The following ADAMTS3 variants were observed in gnomAD, a reference collection of about 807,000 sequenced individuals.
ADAMTS3 encodes ADAM metallopeptidase with thrombospondin type 1 motif 3, also known as A disintegrin and metalloproteinase with thrombospondin motifs 3.
In ADAMTS3, 73 loss-of-function variants were observed where a neutral mutation model predicts 129.0. The ratio of observed to expected loss-of-function variants is 0.57; its 90% CI spans 0.47 to 0.69. ADAMTS3 has a LOEUF of 0.69. ADAMTS3 is among the 30% of genes least tolerant of loss of function. The probability of loss-of-function intolerance (pLI) is 0.00; values close to 1 mark genes in which losing one functional copy is unlikely to be tolerated. For missense variants in ADAMTS3, 1,457 were observed against 1,514.5 expected (o/e 0.96, Z 0.63); for synonymous variants, 477 against 510.8 (o/e 0.93, Z 0.89).
At chr4:72,304,173 A>G in intron 16 of ADAMTS3, 93 bp from the exon 17 acceptor site, 1 of 1,244,256 alleles carries the variant, frequency 8.0e-7, no homozygotes, top group Non-Finnish European at 1.1e-6. Flanking sequence ...CTACAAATCA[A>G]TGACCATGTT....
chr4:72,321,536 T>G (rs1719555436), intron 6 of ADAMTS3, among the ~76,000 whole-genome samples: 1 of 152,152 alleles, frequency 6.6e-6, no homozygotes, highest in Admixed American at 6.6e-5. Flanking sequence ...AAATAATTTC[T>G]GATTTGGCTT....
intron 4 of ADAMTS3, among the ~76,000 whole-genome samples, chr4:72,363,643 T>C (rs1199875440): frequency 3.9e-5 from 6 of 152,166 alleles, no homozygotes; most frequent in African/African-American, 9.7e-5. Context: ...CACAGATCTA[T>C]GCACAAGAAT....
chr4:72,421,759 G>C (rs965334110), intron 3 of ADAMTS3, among the ~76,000 whole-genome samples: 10 of 152,098 alleles, frequency 6.6e-5, no homozygotes, highest in Non-Finnish European at 1.5e-4. Flanking sequence ...AGCCATTAGA[G>C]GTAGATTCTT....
At chr4:72,330,333 A>G (rs1719813621) in intron 5 of ADAMTS3, among the ~76,000 whole-genome samples, 1 of 152,006 alleles carries the variant, frequency 6.6e-6, no homozygotes, top group African/African-American at 2.4e-5. Flanking sequence ...CCAAACTTTT[A>G]TGTATCTAAC....
At chr4:72,534,033 C>T (rs1050787470) in intron 3 of ADAMTS3, among the ~76,000 whole-genome samples, 2 of 152,134 alleles carry the variant, frequency 1.3e-5, no homozygotes, top group African/African-American at 4.8e-5. Context: ...TGTCATAGAA[C>T]ATCACAGTCC....
intron 3 of ADAMTS3, among the ~76,000 whole-genome samples, chr4:72,505,486 G>T (rs1331163011): frequency 6.6e-6 from 1 of 152,186 alleles, no homozygotes; most frequent in Non-Finnish European, 1.5e-5. Flanking sequence ...ACTGGTAAAA[G>T]CTGTCTGTTG....
intron 4 of ADAMTS3, among the ~76,000 whole-genome samples, chr4:72,394,790 T>A (rs1322842442): frequency 6.6e-6 from 1 of 152,228 alleles, no homozygotes; most frequent in Non-Finnish European, 1.5e-5. Context: ...AACCAAAAGT[T>A]ATGCTTTTGA....
intron 3 of ADAMTS3, among the ~76,000 whole-genome samples, chr4:72,538,328 C>T (rs1041522234): frequency 5.9e-5 from 9 of 151,990 alleles, no homozygotes; most frequent in African/African-American, 2.2e-4. Context: ...AGACTCATAC[C>T]AAAATACATT....
chr4:72,419,694 G>T (rs577282601), intron 3 of ADAMTS3, among the ~76,000 whole-genome samples: 2 of 152,216 alleles, frequency 1.3e-5, no homozygotes, highest in South Asian at 4.1e-4. Flanking sequence ...TTCTTCCAAT[G>T]TGGCCCACGA....
intron 4 of ADAMTS3, among the ~76,000 whole-genome samples, chr4:72,398,133 T>C (rs1721773245): frequency 1.3e-5 from 2 of 152,220 alleles, no homozygotes; most frequent in South Asian, 4.1e-4. Flanking sequence ...TTGAAATTTT[T>C]AGGTCTCTGC....
At chr4:72,315,802 AGAT>A in intron 11 of ADAMTS3, 53 bp downstream of exon 11, 2 of 1,195,168 alleles carry the variant, frequency 1.7e-6, no homozygotes, top group Non-Finnish European at 1.2e-6. Context: ...AGACCTTTAA[AGAT>A]GATAATTATG....
At chr4:72,324,370 A>C (rs543981233) in intron 5 of ADAMTS3, among the ~76,000 whole-genome samples, 49 of 152,208 alleles carry the variant, frequency 3.2e-4, no homozygotes, top group Non-Finnish European at 6.2e-4. Context: ...CCTTTAAAAA[A>C]ATCAGGGTCT....
chr4:72,303,549 C>A (rs1719006699), intron 17 of ADAMTS3, among the ~76,000 whole-genome samples: 2 of 151,538 alleles, frequency 1.3e-5, no homozygotes, highest in South Asian at 4.2e-4. Context: ...TGCTGAAGAT[C>A]TTTATATTGA....
intron 5 of ADAMTS3, among the ~76,000 whole-genome samples, chr4:72,336,249 T>C (rs1419139916): frequency 1.3e-5 from 2 of 152,198 alleles, no homozygotes; most frequent in Non-Finnish European, 2.9e-5. Flanking sequence ...AATTTTTTGC[T>C]GTTAGCTTTC....
At chr4:72,496,466 A>C (rs567252712) in intron 3 of ADAMTS3, among the ~76,000 whole-genome samples, 1 of 152,112 alleles carries the variant, frequency 6.6e-6, no homozygotes, top group African/African-American at 2.4e-5. Flanking sequence ...ATCCTTTCCA[A>C]CCTCTGTAAT....
chr4:72,497,319 T>C (rs901639772), intron 3 of ADAMTS3, among the ~76,000 whole-genome samples: 1 of 152,008 alleles, frequency 6.6e-6, no homozygotes, highest in Non-Finnish European at 1.5e-5. Flanking sequence ...AAATGCAGGA[T>C]AAGCAAGGCC....
intron 17 of ADAMTS3, among the ~76,000 whole-genome samples, chr4:72,303,212 GA>G (rs1252643903): frequency 6.6e-6 from 1 of 152,080 alleles, no homozygotes; most frequent in Non-Finnish European, 1.5e-5. Flanking sequence ...CTCTTTCTCA[GA>G]AGTTCCCTTG....
At chr4:72,472,359 T>C (rs1719094783) in intron 3 of ADAMTS3, among the ~76,000 whole-genome samples, 1 of 152,136 alleles carries the variant, frequency 6.6e-6, no homozygotes, top group South Asian at 2.1e-4. Context: ...GAAATATCCC[T>C]GGTAAAATAT....
At chr4:72,547,149 T>C (rs1462108505) in intron 3 of ADAMTS3, among the ~76,000 whole-genome samples, 2 of 152,188 alleles carry the variant, frequency 1.3e-5, no homozygotes, top group African/African-American at 4.8e-5. Context: ...GATTGGATGC[T>C]ATCAGAAAGT....
Sources: gnomAD v4.1 joint callset for allele counts (sites outside exome capture counted in the v4.1 genomes callset) on GRCh38, gnomAD v4.1.1 for gene constraint, MANE v1.5 for transcripts, NCBI Gene and HGNC (gene_info 2026-07-23, HGNC 2026-07-21) for gene names.